The following PROS1 variants were observed in gnomAD, a reference collection of about 807,000 sequenced individuals.
PROS1 encodes the protein protein S, also known as vitamin K-dependent protein S.
PROS1 carries 29 observed loss-of-function variants against 75.9 expected under a neutral mutation model. The observed-to-expected ratio is 0.38, with a 90% CI of 0.28 to 0.52. The LOEUF (loss-of-function observed/expected upper bound fraction) is 0.52, where lower values mean the gene tolerates loss of function less well. PROS1 is among the 20% of genes least tolerant of loss of function. The pLI is 0.83. For missense variants in PROS1, 680 were observed against 810.3 expected (o/e 0.84, Z 1.95); for synonymous variants, 245 against 280.6 (o/e 0.87, Z 1.27).
intron 1 of PROS1, among the ~76,000 whole-genome samples, chr3:93,958,293 T>C (rs932621063): frequency 4.6e-5 from 7 of 152,174 alleles, no homozygotes; most frequent in African/African-American, 1.7e-4. Context: ...TTGTTTTCTT[T>C]TAGATTAATG....
chr3:93,874,784 A>G (rs1329426051), intron 14 of PROS1, among the ~76,000 whole-genome samples: 1 of 152,116 alleles, frequency 6.6e-6, no homozygotes, highest in Non-Finnish European at 1.5e-5. Flanking sequence ...CTTAACTCCA[A>G]ATTATAGCTA....
At chr3:93,956,589 C>T (rs554709677) in intron 1 of PROS1, among the ~76,000 whole-genome samples, 110 of 147,656 alleles carry the variant, frequency 7.4e-4, no homozygotes, top group African/African-American at 2.6e-3. Context: ...CACACACACA[C>T]GTTATCAGAA....
At chr3:93,896,041 A>C (rs1372650836) in intron 9 of PROS1, among the ~76,000 whole-genome samples, 3 of 152,206 alleles carry the variant, frequency 2.0e-5, no homozygotes, top group Non-Finnish European at 4.4e-5. Flanking sequence ...TGACTAAAAA[A>C]CATAAGCATT....
intron 1 of PROS1, among the ~76,000 whole-genome samples, chr3:93,953,194 GA>G (rs959871064): frequency 1.3e-5 from 2 of 152,058 alleles, no homozygotes; most frequent in Non-Finnish European, 2.9e-5. Flanking sequence ...CCAATCAATA[GA>G]AAAAGAGGAA....
intron 3 of PROS1, among the ~76,000 whole-genome samples, chr3:93,916,103 C>T (rs1708843879): frequency 6.6e-6 from 1 of 152,012 alleles, no homozygotes; most frequent in Admixed American, 6.6e-5. Flanking sequence ...CAGCATCATC[C>T]CATGACAGAA....
At chr3:93,910,918 T>C in intron 3 of PROS1, 2 of 545,278 alleles carry the variant, frequency 3.7e-6, no homozygotes, top group South Asian at 4.3e-5. Flanking sequence ...ACATAAAAAA[T>C]AAGTCTGTGA....
chr3:93,972,290 T>G (rs1237786267), intron 1 of PROS1, among the ~76,000 whole-genome samples: 3 of 152,238 alleles, frequency 2.0e-5, no homozygotes, highest in Non-Finnish European at 2.9e-5. Context: ...GTTTGAATGC[T>G]GAAGTTTTGC....
chr3:93,927,939 G>GTA (rs1254415461), intron 1 of PROS1, among the ~76,000 whole-genome samples: 15 of 105,062 alleles, frequency 1.4e-4, no homozygotes, highest in South Asian at 6.3e-4. Context: ...ATATATATAT[G>GTA]TATATATATA....
chr3:93,873,140 G>A lies in PROS1; in HGVS notation c.*1105C>T, dbSNP rs186560028. 6.6e-6 allele frequency: 1 copy of A among 152,262 alleles called. No homozygotes were observed. Among genetic ancestry groups the A allele is most frequent in the African/African-American group, 2.4e-5 (1 of 41,564 alleles). The allele number at this position is 152,262 out of a possible 1,614,324, so 9.4% of individuals were successfully genotyped here. A position where few individuals can be genotyped will look rare whatever the true frequency, so the allele number is the denominator to read the frequency against. On this transcript the variant is annotated 3_prime_UTR_variant, in exon 15 of 15. Coordinates refer to ENST00000394236, the MANE Select transcript of PROS1 (RefSeq NM_000313.4). ...AATTATACACCGATTTATTATAAGT[G>A]ATATAAAATACAGTGAAAAGAATTT... is the stretch of plus-strand genomic sequence containing the variant.
intron 1 of PROS1, among the ~76,000 whole-genome samples, 181 bp from the exon 2 acceptor site, chr3:93,927,588 C>A (rs1354135139): frequency 6.6e-6 from 1 of 151,782 alleles, no homozygotes; most frequent in Non-Finnish European, 1.5e-5. Flanking sequence ...ATTCAGAGAG[C>A]GGGTTTGGTG....
At chr3:93,894,511 T>C (rs1351788367) in intron 9 of PROS1, among the ~76,000 whole-genome samples, 2 of 152,198 alleles carry the variant, frequency 1.3e-5, no homozygotes, top group Non-Finnish European at 2.9e-5. Context: ...CAGTTGATTC[T>C]ATTATGGAGA....
intron 4 of PROS1, among the ~76,000 whole-genome samples, chr3:93,907,230 C>T (rs1297883713): frequency 1.3e-5 from 2 of 152,328 alleles, no homozygotes; most frequent in East Asian, 3.9e-4. Flanking sequence ...ACCATAAAAA[C>T]CCCAGACTCA....
chr3:93,884,942 CA>C (rs1481599869), intron 11 of PROS1, 46 bp from the exon 12 acceptor site: 2 of 1,522,824 alleles, frequency 1.3e-6, no homozygotes. Flanking sequence ...TAAACTTAAA[CA>C]GTGGCTCGAT....
intron 1 of PROS1, among the ~76,000 whole-genome samples, chr3:93,971,014 T>A (rs376907505): frequency 1.3e-5 from 2 of 151,562 alleles, no homozygotes; most frequent in South Asian, 2.1e-4. Context: ...ACAAAAATAT[T>A]TTTTTAATCG....
chr3:93,969,126 T>C (rs1055853151), intron 1 of PROS1, among the ~76,000 whole-genome samples: 9 of 148,328 alleles, frequency 6.1e-5, no homozygotes, highest in East Asian at 3.9e-4. Flanking sequence ...TGTTTTCTTT[T>C]TTTTTTTTTT....
At chr3:93,945,254 T>C (rs1374553393) in intron 1 of PROS1, among the ~76,000 whole-genome samples, 4 of 152,210 alleles carry the variant, frequency 2.6e-5, no homozygotes, top group African/African-American at 9.6e-5. Context: ...CCATTCCTTC[T>C]GAAACTATTC....
chr3:93,898,945 A>C (rs527835407), intron 7 of PROS1, among the ~76,000 whole-genome samples: 1 of 152,208 alleles, frequency 6.6e-6, no homozygotes, highest in Non-Finnish European at 1.5e-5. Flanking sequence ...TTGCTTTGAA[A>C]AAAAGAAAAA....
chr3:93,958,641 G>A (rs1300912623), intron 1 of PROS1: 1 of 152,230 alleles, frequency 6.6e-6, no homozygotes, highest in Non-Finnish European at 1.5e-5. Flanking sequence ...CAACTGGTGG[G>A]AGAAAATTGA....
intron 1 of PROS1, among the ~76,000 whole-genome samples, chr3:93,949,854 C>A (rs1214108150): frequency 6.6e-6 from 1 of 152,124 alleles, no homozygotes; most frequent in Non-Finnish European, 1.5e-5. Context: ...TGGGTGCAGC[C>A]CACAGAGTGT....
Sources: gnomAD v4.1 joint callset for allele counts (sites outside exome capture counted in the v4.1 genomes callset) on GRCh38, gnomAD v4.1.1 for gene constraint, MANE v1.5 for transcripts, NCBI Gene and HGNC (gene_info 2026-07-23, HGNC 2026-07-21) for gene names.